The following THSD7A variants were observed in gnomAD, a reference collection of about 807,000 sequenced individuals.
The protein encoded by THSD7A is thrombospondin type-1 domain-containing protein 7A.
A neutral mutation model predicts 231.3 loss-of-function variants in THSD7A; 96 were observed. The observed-to-expected ratio is 0.41, with a 90% CI of 0.35 to 0.49. The LOEUF is 0.49. Ranked by LOEUF, THSD7A falls within the 20% of genes least tolerant of loss-of-function variation. The pLI is 0.05. For missense variants in THSD7A, 2,290 were observed against 2,070.2 expected (o/e 1.11, Z -2.06); for synonymous variants, 940 against 743.3 (o/e 1.26, Z -4.30).
chr7:11,801,957 G>A (rs959051921), intron 1 of THSD7A, among the ~76,000 whole-genome samples: 2 of 152,218 alleles, frequency 1.3e-5, no homozygotes, highest in Admixed American at 1.3e-4. Context: ...TTTACAATGT[G>A]AATATATTTC....
At chr7:11,765,869 C>A (rs780694858) in intron 1 of THSD7A, among the ~76,000 whole-genome samples, 1 of 152,058 alleles carries the variant, frequency 6.6e-6, no homozygotes, top group Non-Finnish European at 1.5e-5. Context: ...AGAACCTGAG[C>A]AACTTAGCAT....
chr7:11,542,959 T>C lies in THSD7A; in HGVS notation c.1609+3A>G. 6.2e-7 allele frequency: 1 copy of C among 1,612,604 alleles called. No individual in the cohort carries two copies. Among genetic ancestry groups the C allele is most frequent in the Non-Finnish European group, 8.5e-7 (1 of 1,179,356 alleles). On this transcript the variant is annotated splice_donor_region_variant and intron_variant, in intron 5 of 27. Transcript: ENST00000423059. ...AAAGGCATGTCATGGTCACGTTACC[T>C]ACCTTTTTTCCCTTGCTGATCATTA...
At chr7:11,442,470 C>A (rs2128293445) in intron 13 of THSD7A, among the ~76,000 whole-genome samples, 1 of 152,122 alleles carries the variant, frequency 6.6e-6, no homozygotes, top group African/African-American at 2.4e-5. Context: ...GCACTGCACA[C>A]ACGGGGATCA....
intron 1 of THSD7A, among the ~76,000 whole-genome samples, chr7:11,755,051 G>T (rs11761153): frequency 0.32 from 48,543 of 151,744 alleles, 9,344 homozygotes; most frequent in Admixed American, 0.43. Flanking sequence ...ATGATCAGTA[G>T]TTCTTAACCA....
At chr7:11,433,992 A>G (rs374731437) in intron 13 of THSD7A, among the ~76,000 whole-genome samples, 3 of 152,040 alleles carry the variant, frequency 2.0e-5, no homozygotes, top group African/African-American at 7.2e-5. Flanking sequence ...CTAGCATATC[A>G]ATTTTATTTT....
At chr7:11,787,983 A>G (rs1044043809) in intron 1 of THSD7A, among the ~76,000 whole-genome samples, 1 of 152,056 alleles carries the variant, frequency 6.6e-6, no homozygotes, top group Non-Finnish European at 1.5e-5. Context: ...TGGAATTCCA[A>G]CTGAATGTTC....
At chr7:11,741,676 A>G (rs1345589808) in intron 1 of THSD7A, among the ~76,000 whole-genome samples, 1 of 151,922 alleles carries the variant, frequency 6.6e-6, no homozygotes, top group Non-Finnish European at 1.5e-5. Context: ...TTTAAATTAT[A>G]AGGTTAAAAC....
chr7:11,486,686 C>T (rs1786673007), intron 6 of THSD7A, among the ~76,000 whole-genome samples: 1 of 152,182 alleles, frequency 6.6e-6, no homozygotes, highest in Admixed American at 6.5e-5. Context: ...CCTCCTTATG[C>T]TTCTCTTCGT....
At chr7:11,505,449 T>G (rs541154067) in intron 6 of THSD7A, among the ~76,000 whole-genome samples, 15 of 151,790 alleles carry the variant, frequency 9.9e-5, no homozygotes, top group African/African-American at 3.6e-4. Context: ...GTGTAAAGTT[T>G]TTTTTTTTTT....
At position 11,546,226 on chromosome 7, in the gene THSD7A, A is replaced by G. The variant is rs12539552; in HGVS notation, c.1454-3109T>C. On this transcript the variant is annotated intron_variant, in intron 4 of 27. Coordinates refer to ENST00000423059, the MANE Select transcript of THSD7A (RefSeq NM_015204.3). ...CGCTCACACACACACACACACACAC[A>G]CACACGTGGACCCTGCCACACTGCT... 8.6e-3 allele frequency among the ~76,000 whole-genome samples: 1,297 copies of G among 150,708 alleles called. 15 individuals carry two copies. Among genetic ancestry groups the G allele is most frequent in the African/African-American group, 0.023 (948 of 40,834 alleles).
intron 1 of THSD7A, among the ~76,000 whole-genome samples, chr7:11,811,682 C>A (rs1386351130): frequency 6.6e-6 from 1 of 152,142 alleles, no homozygotes; most frequent in East Asian, 1.9e-4. Context: ...TATACTAGTT[C>A]TTTTACCTGC....
At chr7:11,719,688 C>T (rs1781278972) in intron 1 of THSD7A, among the ~76,000 whole-genome samples, 1 of 151,554 alleles carries the variant, frequency 6.6e-6, no homozygotes, top group South Asian at 2.1e-4. Context: ...AGGTCTACTC[C>T]ACATTTCACA....
At chr7:11,719,161 ACATAGAT>A (rs1781254980) in intron 1 of THSD7A, among the ~76,000 whole-genome samples, 1 of 151,606 alleles carries the variant, frequency 6.6e-6, no homozygotes, top group Admixed American at 6.6e-5. Flanking sequence ...CCTATTTAAA[ACATAGAT>A]TAGCAAATTT....
In THSD7A at chr7:11,810,640, CT is replaced by C. The variant is rs201864282; in HGVS notation, c.190+21116del. On this transcript the variant is annotated intron_variant, in intron 1 of 27. Transcript: ENST00000423059. The stretch of plus-strand genomic sequence containing the variant: ...TGCTAGAAAGAAGAAATAGCCAACA[CT>C]TTGTCTTCACCTCAGATTTAACTTT... Among the ~76,000 whole-genome samples the C allele has an allele frequency of 2.6e-5, 4 of 152,174 alleles. No individual in the cohort carries two copies. The East Asian group carries it at 5.8e-4, about 22-fold the overall frequency.
intron 1 of THSD7A, among the ~76,000 whole-genome samples, chr7:11,668,473 AAGAAAGAC>A (rs2128376866): frequency 2.4e-5 from 1 of 41,274 alleles, no homozygotes; most frequent in East Asian, 5.1e-4. Flanking sequence ...GAAAGAAAAA[AAGAAAGAC>A]AGAAAGAAAG....
At chr7:11,639,828 C>T (rs949811998) in intron 1 of THSD7A, among the ~76,000 whole-genome samples, 6 of 152,010 alleles carry the variant, frequency 3.9e-5, no homozygotes, top group African/African-American at 7.2e-5. Context: ...AACTTTTTTT[C>T]CCTAAAACAA....
rs1426322242 is a variant in THSD7A, at chr7:11,429,138, A to T, written c.3065-13T>A. The T allele has an allele frequency of 1.3e-6, 2 of 1,547,458 alleles. No individual in the cohort carries two copies. Among genetic ancestry groups the T allele is most frequent in the South Asian group, 2.5e-5 (2 of 80,258 alleles). Reference sequence around the variant, plus strand: ...TCCTCAATGTAACCTGAGTAGAGGAAAATGAGACAAGAATCATCTCCTCCA... The same window carrying T: ...TCCTCAATGTAACCTGAGTAGAGGATAATGAGACAAGAATCATCTCCTCCA... On this transcript the variant is annotated splice_polypyrimidine_tract_variant and intron_variant, in intron 13 of 27. Coordinates refer to ENST00000423059, the MANE Select transcript of THSD7A (RefSeq NM_015204.3).
intron 1 of THSD7A, among the ~76,000 whole-genome samples, chr7:11,766,399 C>T (rs184884357): frequency 2.5e-4 from 38 of 152,188 alleles, no homozygotes; most frequent in African/African-American, 9.1e-4. Flanking sequence ...ACTGCCTTCC[C>T]TATGGGATAA....
At chr7:11,811,143 T>C (rs992015977) in intron 1 of THSD7A, among the ~76,000 whole-genome samples, 1 of 152,216 alleles carries the variant, frequency 6.6e-6, no homozygotes, top group Non-Finnish European at 1.5e-5. Context: ...TGGTGATTTG[T>C]GTGTAATGTC....
Sources: allele counts gnomAD v4.1 joint callset (sites outside exome capture counted in the v4.1 genomes callset), GRCh38; gene constraint gnomAD v4.1.1; transcripts MANE v1.5; gene names NCBI Gene and HGNC (gene_info 2026-07-23, HGNC 2026-07-21).